Variants in CCDC126 observed in about 807,000 individuals in gnomAD.
CCDC126 encodes coiled-coil domain containing 126.
A neutral mutation model predicts 11.7 loss-of-function variants in CCDC126; 5 were observed. The observed-to-expected ratio is 0.43, with a 90% CI of 0.22 to 0.90. The LOEUF is 0.90. Among genes scored for constraint, CCDC126 ranks in the 40% least tolerant of loss-of-function variants. CCDC126 has a pLI of 0.27. For synonymous variants in CCDC126, 60 were observed against 61.9 expected (o/e 0.97, Z 0.14); for missense variants, 150 against 163.1 (o/e 0.92, Z 0.44).
chr7:23,624,267 A>T (rs1782975304), intron 3 of CCDC126, among the ~76,000 whole-genome samples: 1 of 152,176 alleles, frequency 6.6e-6, no homozygotes, highest in South Asian at 2.1e-4. Flanking sequence ...GCCTGTGTTC[A>T]CTTCACCATC....
chr7:23,639,606 T>A (rs567706465), intron 3 of CCDC126, among the ~76,000 whole-genome samples: 1 of 152,332 alleles, frequency 6.6e-6, no homozygotes, highest in African/African-American at 2.4e-5. Flanking sequence ...GCTGAAAGAT[T>A]TTTGTAAATG....
At chr7:23,599,899 C>G (rs1219037198) in intron 2 of CCDC126, among the ~76,000 whole-genome samples, 1 of 152,044 alleles carries the variant, frequency 6.6e-6, no homozygotes, top group East Asian at 1.9e-4. Context: ...ATTCTTGTAC[C>G]TCAGCCATCC....
At chr7:23,608,826 T>C (rs557341213) in intron 2 of CCDC126, among the ~76,000 whole-genome samples, 21 of 152,364 alleles carry the variant, frequency 1.4e-4, no homozygotes, top group African/African-American at 5.1e-4. Context: ...ACCAGAATTT[T>C]ATTATTACTC....
intron 3 of CCDC126, among the ~76,000 whole-genome samples, chr7:23,624,594 A>G (rs910920817): frequency 6.6e-6 from 1 of 152,228 alleles, no homozygotes; most frequent in African/African-American, 2.4e-5. Flanking sequence ...GGTGTCTGTT[A>G]TAATAAATGA....
chr7:23,630,129 T>TA (rs1783084996), intron 3 of CCDC126, among the ~76,000 whole-genome samples: 4 of 152,254 alleles, frequency 2.6e-5, no homozygotes, highest in Admixed American at 2.6e-4. Flanking sequence ...CATATTGACA[T>TA]ATGCAGAATG....
chr7:23,622,968 C>CTTT (rs1228157804), intron 3 of CCDC126: 1,262 of 91,568 alleles, frequency 0.014, 13 homozygotes, highest in African/African-American at 0.018. Context: ...TATGCTCACT[C>CTTT]TTTTTTTTTT....
intron 3 of CCDC126, among the ~76,000 whole-genome samples, chr7:23,614,460 G>A (rs1782764047): frequency 6.6e-6 from 1 of 152,178 alleles, no homozygotes; most frequent in African/African-American, 2.4e-5. Flanking sequence ...ATCCATGAGG[G>A]TTGGAATCAC....
At position 23,611,241 on chromosome 7, in the gene CCDC126, T is replaced by A; in HGVS notation, c.-75T>A. ...ATATTGAGGATATTTTTTTCTTTTT[T>A]TTTTCAAGTCTTGATTTGTGGCTTA... is the stretch of plus-strand genomic sequence containing the variant. On this transcript the variant is annotated 5_prime_UTR_variant, in exon 3 of 4. Coordinates refer to ENST00000307471, the MANE Select transcript of CCDC126 (RefSeq NM_138771.4). The A allele has an allele frequency of 3.4e-6, 3 of 888,250 alleles. No homozygotes were observed. The highest frequency in any genetic ancestry group is 3.6e-6 in the Non-Finnish European group (2 of 548,530). The allele number at this position is 888,250 out of a possible 1,614,324, so 55.0% of individuals were successfully genotyped here. A position where few individuals can be genotyped will look rare whatever the true frequency, so the allele number is the denominator to read the frequency against.
chr7:23,614,122 T>C (rs1383764083), intron 3 of CCDC126, among the ~76,000 whole-genome samples: 1 of 152,034 alleles, frequency 6.6e-6, no homozygotes, highest in Non-Finnish European at 1.5e-5. Context: ...TCATGAAAGA[T>C]TTTTTTTGTA....
At chr7:23,641,667 G>A (rs569850368) in intron 3 of CCDC126, among the ~76,000 whole-genome samples, 7 of 152,124 alleles carry the variant, frequency 4.6e-5, no homozygotes, top group East Asian at 1.9e-4. Context: ...AACAGTATTC[G>A]TTGTCACTAA....
intron 3 of CCDC126, among the ~76,000 whole-genome samples, chr7:23,641,226 T>C (rs1010789493): frequency 2.0e-5 from 3 of 152,180 alleles, no homozygotes; most frequent in Admixed American, 1.3e-4. Flanking sequence ...TGGTATCTCA[T>C]TGAGTTTTGG....
chr7:23,634,365 A>G (rs539789211), intron 3 of CCDC126, among the ~76,000 whole-genome samples: 2 of 152,250 alleles, frequency 1.3e-5, no homozygotes, highest in Admixed American at 6.5e-5. Context: ...AGGTGGGAGG[A>G]AATCACTTGA....
At chr7:23,600,387 C>CCCG (rs1491517309) in intron 2 of CCDC126, among the ~76,000 whole-genome samples, 1 of 140,904 alleles carries the variant, frequency 7.1e-6, no homozygotes, top group African/African-American at 2.6e-5. Context: ...CCCCCCCCCC[C>CCCG]ACCACCATAT....
intron 3 of CCDC126, among the ~76,000 whole-genome samples, chr7:23,614,786 G>A (rs1261397797): frequency 1.3e-5 from 2 of 152,156 alleles, no homozygotes; most frequent in Non-Finnish European, 2.9e-5. Flanking sequence ...TATTTTGAAA[G>A]GAATTGTTTT....
At position 23,600,079 on chromosome 7, in the gene CCDC126, C is replaced by T. The variant is rs527710694; in HGVS notation, c.-146+2028C>T. 5.9e-5 allele frequency among the ~76,000 whole-genome samples: 9 copies of T among 152,340 alleles called. No homozygotes were observed. In the South Asian group the frequency reaches 1.2e-3, roughly 21 times the overall value. ...GGATCACAGGCATGAGCCACCACGCCAGGCCATATTTTAAATTAAACTTTT... is the reference window on the plus strand; with the variant it reads ...GGATCACAGGCATGAGCCACCACGCTAGGCCATATTTTAAATTAAACTTTT... On this transcript the variant is annotated intron_variant, in intron 2 of 3. Coordinates refer to ENST00000307471, the MANE Select transcript of CCDC126 (RefSeq NM_138771.4).
chr7:23,640,076 G>A (rs774125090), intron 3 of CCDC126, among the ~76,000 whole-genome samples: 13 of 151,982 alleles, frequency 8.6e-5, no homozygotes, highest in Middle Eastern at 3.2e-3. Flanking sequence ...CCAGCTACTC[G>A]GGAGGCTGAG....
chr7:23,607,076 G>T (rs1326461798), intron 2 of CCDC126, among the ~76,000 whole-genome samples: 1 of 152,150 alleles, frequency 6.6e-6, no homozygotes, highest in African/African-American at 2.4e-5. Context: ...TGCAAGCCGG[G>T]GCAACAGAGC....
intron 2 of CCDC126, among the ~76,000 whole-genome samples, chr7:23,599,595 T>A (rs1782497496): frequency 6.6e-6 from 1 of 151,932 alleles, no homozygotes; most frequent in African/African-American, 2.4e-5. Flanking sequence ...CCTTTTGGGT[T>A]CAAGCAATTC....
rs1782434733 is a variant in CCDC126, at chr7:23,597,426, C to G, written c.-410C>G. ...GTGCGAGGGACGAGCGGAGTAAAATCTCCACAAGCTGGGAACAAACCTCGT... is the reference window on the plus strand; with the variant it reads ...GTGCGAGGGACGAGCGGAGTAAAATGTCCACAAGCTGGGAACAAACCTCGT... On this transcript the variant is annotated 5_prime_UTR_variant, in exon 1 of 4. The change creates a new upstream start codon in the 5' untranslated region. Transcript: ENST00000307471. 1 of 152,398 alleles carries G rather than the reference C, an allele frequency of 6.6e-6. No homozygotes were observed. The highest frequency in any genetic ancestry group is 2.4e-5 in the African/African-American group (1 of 41,468). 9.4% of individuals were successfully genotyped at this position (152,398 alleles called of 1,614,324 possible). A position where few individuals can be genotyped will look rare whatever the true frequency, so the allele number is the denominator to read the frequency against.
Sources: allele counts gnomAD v4.1 joint callset (sites outside exome capture counted in the v4.1 genomes callset), GRCh38; gene constraint gnomAD v4.1.1; transcripts MANE v1.5; gene names NCBI Gene and HGNC (gene_info 2026-07-23, HGNC 2026-07-21).